The following PARD3 variants were observed in gnomAD, a reference collection of about 807,000 sequenced individuals.
The protein encoded by PARD3 is partitioning defective 3 homolog.
A neutral mutation model predicts 155.4 loss-of-function variants in PARD3; 75 were observed. That is an observed-to-expected ratio of 0.48 (90% CI 0.40 to 0.58). PARD3 has a LOEUF of 0.58. Ranked by LOEUF, PARD3 falls within the 20% of genes least tolerant of loss-of-function variation. The probability of loss-of-function intolerance (pLI) is 0.00; values close to 1 mark genes in which losing one functional copy is unlikely to be tolerated. For synonymous variants in PARD3, 576 were observed against 610.5 expected (o/e 0.94, Z 0.83); for missense variants, 1,642 against 1,721.7 (o/e 0.95, Z 0.82).
chr10:34,406,694 A>C (rs536969008), intron 5 of PARD3, among the ~76,000 whole-genome samples: 10 of 152,100 alleles, frequency 6.6e-5, no homozygotes, highest in Non-Finnish European at 1.3e-4. Flanking sequence ...CCCTGGGCTC[A>C]GGTCTGATAC....
At position 34,613,964 on chromosome 10, in the gene PARD3, CATTAAGA is replaced by C. The variant is rs576112037; in HGVS notation, c.222+82347_222+82353del. On this transcript the variant is annotated intron_variant, in intron 2 of 24. Transcript: ENST00000374788. ...ATTCAAGATATAAAACTATAGCAAA[CATTAAGA>C]ATGTACTACCTAGGCTATCCTTATA... 3.8e-4 allele frequency among the ~76,000 whole-genome samples: 58 copies of C among 152,240 alleles called. 1 individual carries two copies. The highest frequency in any genetic ancestry group is 1.3e-3 in the African/African-American group (54 of 41,542).
At chr10:34,759,905 C>T (rs1837225524) in intron 1 of PARD3, among the ~76,000 whole-genome samples, 1 of 152,174 alleles carries the variant, frequency 6.6e-6, no homozygotes, top group South Asian at 2.1e-4. Flanking sequence ...TTTTTGTCTA[C>T]TTTATTAGCT....
intron 5 of PARD3, among the ~76,000 whole-genome samples, chr10:34,416,194 T>C (rs1381216341): frequency 6.6e-6 from 1 of 152,142 alleles, no homozygotes; most frequent in African/African-American, 2.4e-5. Flanking sequence ...AATCACAAGA[T>C]GTAAATGGGA....
At chr10:34,444,871 G>A (rs374951731) in intron 5 of PARD3, among the ~76,000 whole-genome samples, 3 of 152,304 alleles carry the variant, frequency 2.0e-5, no homozygotes, top group East Asian at 3.9e-4. Context: ...CACTGGAAAA[G>A]CTGATAAGGT....
At position 34,347,993 on chromosome 10, in the gene PARD3, G is replaced by A. The variant is rs1450847638; in HGVS notation, c.2190C>T (p.Ser730=). The change falls in exon 15 of 25, where the codon AGC becomes AGT. Residue 730 remains serine (S), a synonymous_variant. Transcript: ENST00000374788. Reference sequence around the variant, plus strand: ...TTATCCTACTGAGGGCAGCATTTCTGCTGGGCGATTCATCAAGCCCCTCAA... The same window carrying A: ...TTATCCTACTGAGGGCAGCATTTCTACTGGGCGATTCATCAAGCCCCTCAA... ...SGIEGLDESP[S]RNAALSRIMG... is the part of the protein sequence containing the mutation. The A allele has an allele frequency of 6.2e-7, 1 of 1,613,262 alleles. No individual in the cohort carries two copies. The highest frequency in any genetic ancestry group is 2.2e-5 in the East Asian group (1 of 44,854).
chr10:34,468,694 A>C (rs574290502), intron 4 of PARD3, among the ~76,000 whole-genome samples: 14 of 152,322 alleles, frequency 9.2e-5, no homozygotes, highest in East Asian at 1.9e-4. Flanking sequence ...TCAAAAAAAA[A>C]CCAGAAACTA....
chr10:34,470,257 G>A lies in PARD3; in HGVS notation c.410C>T (p.Pro137Leu). Residue 137 changes from proline (P) to leucine (L), a missense_variant, in exon 4 of 25, where the codon CCT becomes CTT. By Grantham distance (98) the Pro-to-Leu change is moderately conservative. Coordinates refer to ENST00000374788, the MANE Select transcript of PARD3 (RefSeq NM_001184785.2). ...VTPSVLRANM[P>L]LHVRRSSDPA... ...GTCACTACTGCGTCGAACATGAAGA[G>A]GCATATCTGTAAACACAAAAGCACT... The A allele has an allele frequency of 6.3e-7, 1 of 1,589,586 alleles. No individual in the cohort carries two copies. Among genetic ancestry groups the A allele is most frequent in the East Asian group, 2.3e-5 (1 of 43,918 alleles).
intron 7 of PARD3, among the ~76,000 whole-genome samples, chr10:34,396,241 T>C (rs1021764679): frequency 2.6e-5 from 4 of 151,978 alleles, no homozygotes; most frequent in African/African-American, 9.7e-5. Flanking sequence ...TCCCAGCTTC[T>C]AGGAAGGCTG....
chr10:34,758,857 C>T (rs1219584579), intron 1 of PARD3, among the ~76,000 whole-genome samples: 1 of 152,128 alleles, frequency 6.6e-6, no homozygotes, highest in African/African-American at 2.4e-5. Context: ...ACAGGAAATT[C>T]CCCCATGGTA....
chr10:34,389,865 A>C (rs1359998854), intron 7 of PARD3, among the ~76,000 whole-genome samples: 1 of 152,180 alleles, frequency 6.6e-6, no homozygotes, highest in Non-Finnish European at 1.5e-5. Context: ...GAATGAGATA[A>C]ATCAGGCCAA....
At chr10:34,135,743 T>C (rs1353061874) in intron 22 of PARD3, among the ~76,000 whole-genome samples, 1 of 152,208 alleles carries the variant, frequency 6.6e-6, no homozygotes, top group Non-Finnish European at 1.5e-5. Context: ...GCGGTTCTCA[T>C]CTATATGCAC....
chr10:34,550,501 T>C (rs2084459416), intron 2 of PARD3, among the ~76,000 whole-genome samples: 1 of 152,112 alleles, frequency 6.6e-6, no homozygotes, highest in African/African-American at 2.4e-5. Flanking sequence ...GCATGAGCCA[T>C]CTCGCCTGGC....
chr10:34,748,937 C>T (rs2133934958), intron 1 of PARD3, among the ~76,000 whole-genome samples: 1 of 152,312 alleles, frequency 6.6e-6, no homozygotes, highest in African/African-American at 2.4e-5. Context: ...TGCCCCTGGG[C>T]CACAGGCCCT....
intron 22 of PARD3, among the ~76,000 whole-genome samples, chr10:34,176,672 G>A (rs754385001): frequency 6.6e-6 from 1 of 152,166 alleles, no homozygotes; most frequent in Non-Finnish European, 1.5e-5. Flanking sequence ...AAGAGGCCTG[G>A]ACTTCTGGGT....
Position 34,384,134 on chromosome 10 carries a change from A to G in PARD3, c.1011T>C (p.Phe337=), listed in dbSNP as rs1475332635. The G allele has an allele frequency of 6.2e-7, 1 of 1,613,700 alleles. No individual in the cohort carries two copies. The highest frequency in any genetic ancestry group is 2.2e-5 in the East Asian group (1 of 44,866). Residue 337 remains phenylalanine, a synonymous_variant, in exon 8 of 25, where the codon TTT becomes TTC. Transcript: ENST00000374788. ...INDGDLRNRR[F]EQAQHMFRQA... is the part of the protein sequence containing the mutation. ...TGCAGCGAGCACACACTTACTGTTC[A>G]AATCTTCTATTTCGAAGGTCGCCAT...
At chr10:34,442,789 T>G (rs1050314445) in intron 5 of PARD3, among the ~76,000 whole-genome samples, 1 of 152,182 alleles carries the variant, frequency 6.6e-6, no homozygotes, top group Non-Finnish European at 1.5e-5. Flanking sequence ...GACGATTGCT[T>G]GAGCACAGAA....
intron 2 of PARD3, among the ~76,000 whole-genome samples, chr10:34,614,741 C>G (rs1034801511): frequency 3.9e-5 from 6 of 152,252 alleles, no homozygotes; most frequent in Admixed American, 1.3e-4. Context: ...TCGAATGCAT[C>G]CTTATCTAGA....
At chr10:34,317,004 G>A (rs905758369) in intron 20 of PARD3, 103 bp downstream of exon 20, 1 of 1,046,814 alleles carries the variant, frequency 9.6e-7, no homozygotes, top group Non-Finnish European at 1.3e-6. Context: ...CAAGTAGCTG[G>A]GATTACAGGT....
intron 2 of PARD3, among the ~76,000 whole-genome samples, chr10:34,607,007 G>A (rs1254557129): frequency 2.0e-5 from 3 of 150,848 alleles, no homozygotes; most frequent in Admixed American, 2.0e-4. Flanking sequence ...CACAGCTGGA[G>A]CATGAGCATG....
Sources: gnomAD v4.1 joint callset for allele counts (sites outside exome capture counted in the v4.1 genomes callset) on GRCh38, gnomAD v4.1.1 for gene constraint, MANE v1.5 for transcripts, NCBI Gene and HGNC (gene_info 2026-07-23, HGNC 2026-07-21) for gene names.